Variants in TEX11 observed in about 807,000 individuals in gnomAD.
TEX11 encodes the protein testis expressed 11.
TEX11 carries 7 observed loss-of-function variants against 84.4 expected under a neutral mutation model. That is an observed-to-expected ratio of 0.08 (90% CI 0.05 to 0.16). The LOEUF (loss-of-function observed/expected upper bound fraction) is 0.16. Ranked by LOEUF, TEX11 falls within the 10% of genes least tolerant of loss-of-function variation. The pLI is 1.00. For synonymous variants in TEX11, 264 were observed against 222.8 expected, an observed-to-expected ratio of 1.18 and a Z score of -1.64; for missense variants, 551 against 660.5, an observed-to-expected ratio of 0.83 and a Z score of 1.82.
chrX:70,706,580 C>T (rs1367775760), intron 13 of TEX11, among the ~76,000 whole-genome samples: 1 of 110,724 alleles, frequency 9.0e-6, no homozygotes, highest in African/African-American at 3.3e-5. Context: ...ATCCTCTAAC[C>T]CCCCCTTTTA....
chrX:70,753,485 C>T (rs1018460745), intron 9 of TEX11, among the ~76,000 whole-genome samples: 1 of 109,664 alleles, frequency 9.1e-6, no homozygotes, highest in Non-Finnish European at 1.9e-5. Context: ...CTAAACAAAT[C>T]CTGGGCCAGC....
chrX:70,772,637 A>G (rs1181509707), intron 9 of TEX11, among the ~76,000 whole-genome samples: 5 of 111,560 alleles, frequency 4.5e-5, no homozygotes, highest in Non-Finnish European at 3.8e-5. Flanking sequence ...TTAAAGCACC[A>G]GTCACCAATT....
chrX:70,579,837 T>C (rs1031081323), intron 25 of TEX11, among the ~76,000 whole-genome samples: 7 of 111,760 alleles, frequency 6.3e-5, no homozygotes, highest in Non-Finnish European at 1.1e-4. Context: ...ATCCAAAAGA[T>C]AGGCAAAAAC....
At chrX:70,826,824 T>C (rs2091349415) in intron 8 of TEX11, among the ~76,000 whole-genome samples, 1 of 111,090 alleles carries the variant, frequency 9.0e-6, no homozygotes, top group Non-Finnish European at 1.9e-5. Flanking sequence ...CTACATAAAC[T>C]TGAGTGGCAG....
chrX:70,619,934 G>A (rs752472583), intron 20 of TEX11, among the ~76,000 whole-genome samples: 5 of 108,712 alleles, frequency 4.6e-5, no homozygotes, highest in African/African-American at 1.7e-4. Flanking sequence ...TCAGCCTCCC[G>A]AGTAGCTGGG....
intron 25 of TEX11, among the ~76,000 whole-genome samples, chrX:70,557,327 G>A (rs1039074435): frequency 3.7e-5 from 4 of 107,142 alleles, no homozygotes; most frequent in Admixed American, 1.0e-4. Context: ...AAAATTAGCC[G>A]GGTGTGGGGG....
intron 5 of TEX11, chrX:70,857,564 T>C (rs372989359): frequency 4.8e-4 from 124 of 260,228 alleles, no homozygotes; most frequent in African/African-American, 3.3e-3. Flanking sequence ...TAGCTAAAGA[T>C]TCAAGATATG....
chrX:70,683,839 A>G (rs978005903), intron 13 of TEX11, among the ~76,000 whole-genome samples: 2 of 111,845 alleles, frequency 1.8e-5, no homozygotes, highest in African/African-American at 6.5e-5. Flanking sequence ...ATATAGACCA[A>G]TGGAATGGAA....
intron 9 of TEX11, among the ~76,000 whole-genome samples, chrX:70,765,744 T>C (rs1347615047): frequency 9.0e-6 from 1 of 110,932 alleles, no homozygotes; most frequent in Non-Finnish European, 1.9e-5. Flanking sequence ...GGATGCCCAC[T>C]GTCATCACTA....
intron 16 of TEX11, among the ~76,000 whole-genome samples, chrX:70,670,176 C>A (rs2090010099): frequency 8.9e-6 from 1 of 111,813 alleles, no homozygotes; most frequent in Admixed American, 9.5e-5. Flanking sequence ...TAATGGTATT[C>A]CAAATTCTCT....
At chrX:70,595,163 C>A (rs963392468) in intron 24 of TEX11, among the ~76,000 whole-genome samples, 5 of 111,340 alleles carry the variant, frequency 4.5e-5, no homozygotes, top group Admixed American at 1.9e-4. Flanking sequence ...CTCACTGCAA[C>A]CTCTGCCTGC....
At chrX:70,867,879 C>T (rs367857121) in intron 4 of TEX11, among the ~76,000 whole-genome samples, 20 of 111,726 alleles carry the variant, frequency 1.8e-4, no homozygotes, top group African/African-American at 6.2e-4. Context: ...ATTAACTCAA[C>T]ATGGATTAAA....
At chrX:70,868,096 A>G (rs997336858) in intron 4 of TEX11, among the ~76,000 whole-genome samples, 3 of 111,942 alleles carry the variant, frequency 2.7e-5, no homozygotes, top group Non-Finnish European at 3.8e-5. Context: ...GGCAACCTAC[A>G]GAATGGGAGA....
chrX:70,774,635 A>G (rs2090990842), intron 9 of TEX11, among the ~76,000 whole-genome samples: 1 of 111,620 alleles, frequency 9.0e-6, no homozygotes, highest in East Asian at 2.8e-4. Flanking sequence ...AAAAATGCCT[A>G]GTAATAAATT....
At chrX:70,537,805 G>A (rs2087981846) in intron 28 of TEX11, among the ~76,000 whole-genome samples, 1 of 111,218 alleles carries the variant, frequency 9.0e-6, no homozygotes, top group African/African-American at 3.3e-5. Flanking sequence ...AGTGAAAAAC[G>A]GAAACTGTGA....
At chrX:70,896,877 G>A (rs1186952644) in intron 2 of TEX11, among the ~76,000 whole-genome samples, 1 of 109,003 alleles carries the variant, frequency 9.2e-6, no homozygotes, top group African/African-American at 3.3e-5. Context: ...CAGGTGGTGG[G>A]GGCCAAAGGG....
At chrX:70,709,184 G>A (rs1312891472) in intron 13 of TEX11, among the ~76,000 whole-genome samples, 1 of 111,373 alleles carries the variant, frequency 9.0e-6, no homozygotes, top group Non-Finnish European at 1.9e-5. Context: ...TCAACCTGAA[G>A]CAGGAGAAGA....
chrX:70,521,786 C>A, the TEX11 span, among the ~76,000 whole-genome samples: 2 of 111,372 alleles, frequency 1.8e-5, no homozygotes, highest in Non-Finnish European at 3.8e-5. Context: ...TTTAAGAGGG[C>A]AGACTTCAAA....
intron 2 of TEX11, among the ~76,000 whole-genome samples, chrX:70,881,158 T>A (rs7888451): frequency 0.094 from 10,161 of 108,456 alleles, 639 homozygotes; most frequent in Admixed American, 0.29. Flanking sequence ...CAAAACCCCA[T>A]CCCTATTAAA....
Sources: gnomAD v4.1 joint callset for allele counts (sites outside exome capture counted in the v4.1 genomes callset) on GRCh38, gnomAD v4.1.1 for gene constraint, MANE v1.5 for transcripts, NCBI Gene and HGNC (gene_info 2026-07-23, HGNC 2026-07-21) for gene names.